The following RASAL1 variants were observed in gnomAD, a reference collection of about 807,000 sequenced individuals.
RASAL1 encodes the protein RAS protein activator like 1.
Under a neutral mutation model 96.6 loss-of-function variants are expected in RASAL1, and 72 were observed. The observed-to-expected ratio is 0.75, with a 90% CI of 0.62 to 0.91. The LOEUF (loss-of-function observed/expected upper bound fraction) is 0.91, where lower values mean the gene tolerates loss of function less well. Ranked by LOEUF, RASAL1 falls within the 40% of genes least tolerant of loss-of-function variation. The probability of loss-of-function intolerance (pLI) is 0.00; values close to 1 mark genes in which losing one functional copy is unlikely to be tolerated. For missense variants in RASAL1, 1,016 were observed against 1,072.5 expected, an observed-to-expected ratio of 0.95 and a Z score of 0.74; for synonymous variants, 405 against 430.4, an observed-to-expected ratio of 0.94 and a Z score of 0.73.
At position 113,124,882 on chromosome 12, in the gene RASAL1, A is replaced by G. The variant is rs373920890; in HGVS notation, c.298+2930T>C. Among the ~76,000 whole-genome samples the G allele has an allele frequency of 4.6e-5, 7 of 152,390 alleles. No individual in the cohort carries two copies. The East Asian group carries it at 1.2e-3, about 25-fold the overall frequency. On this transcript the variant is annotated intron_variant, in intron 4 of 20. Coordinates refer to ENST00000548055, the MANE Select transcript of RASAL1 (RefSeq NM_001301202.2). ...GAGACAATTAACAGTCATGTAGACA[A>G]AAAGTAATAAAGTTTAATCCTTACT...
At chr12:113,122,483 C>G (rs1293648013) in intron 4 of RASAL1, among the ~76,000 whole-genome samples, 1 of 152,166 alleles carries the variant, frequency 6.6e-6, no homozygotes, top group East Asian at 1.9e-4. Context: ...ACCACCACAG[C>G]TAGCTAATTT....
chr12:113,115,479 T>C lies in RASAL1; in HGVS notation c.1003+156A>G, dbSNP rs375333418. On this transcript the variant is annotated intron_variant, in intron 10 of 20. Transcript: ENST00000548055. This position sits in a 1 kb window ranked among gnomAD's most constrained non-coding sequence, Gnocchi z 4.1. ...GCAAAGCCAGGGCCTGAACCTGCAATTGGGCTCCCAACTGTCTGGAGGTGC... is the reference window on the plus strand; with the variant it reads ...GCAAAGCCAGGGCCTGAACCTGCAACTGGGCTCCCAACTGTCTGGAGGTGC... 3.9e-5 allele frequency among the ~76,000 whole-genome samples: 6 copies of C among 152,228 alleles called. No homozygotes were observed. Among genetic ancestry groups the C allele is most frequent in the East Asian group, 1.9e-4 (1 of 5,172 alleles).
At position 113,115,330 on chromosome 12, in the gene RASAL1, C is replaced by T. The variant is rs1951034743; in HGVS notation, c.1004-66G>A. ...CTGAACCCAGCTCACCCCACTCACC[C>T]AAGGTGGGAGTCATGATTCTTCCAG... On this transcript the variant is annotated intron_variant, in intron 10 of 20. Coordinates refer to ENST00000548055, the MANE Select transcript of RASAL1 (RefSeq NM_001301202.2). The surrounding 1 kb of genome is among the most constrained non-coding windows in gnomAD (Gnocchi z 4.1). 6 of 1,419,184 alleles carry T rather than the reference C, an allele frequency of 4.2e-6. No individual in the cohort carries two copies. The Admixed American group carries it at 8.4e-5, about 20-fold the overall frequency. The allele number at this position is 1,419,184 out of a possible 1,614,324, so 87.9% of individuals were successfully genotyped here.
intron 15 of RASAL1, among the ~76,000 whole-genome samples, chr12:113,106,793 C>T (rs1950661548): frequency 6.6e-6 from 1 of 152,204 alleles, no homozygotes; most frequent in Non-Finnish European, 1.5e-5. Context: ...GCTGCATCCC[C>T]AGCACCTAGA....
chr12:113,114,780 G>C lies in RASAL1; in HGVS notation c.1181+20C>G, dbSNP rs1336745985. The C allele has an allele frequency of 1.9e-6, 3 of 1,602,366 alleles. No homozygotes were observed. In the East Asian group the frequency reaches 6.7e-5, roughly 36 times the overall value. ...CCAAAGGGGCCCGTCGGAAGGTCAG[G>C]GTCCTCAGGCTTTGCTCACCGGGTG... On this transcript the variant is annotated intron_variant, in intron 12 of 20. Coordinates refer to ENST00000548055, the MANE Select transcript of RASAL1 (RefSeq NM_001301202.2).
chr12:113,115,747 G>A lies in RASAL1; in HGVS notation c.891C>T (p.Thr297=). 1.2e-6 allele frequency: 2 copies of A among 1,614,164 alleles called. No individual in the cohort carries two copies. Among genetic ancestry groups the A allele is most frequent in the South Asian group, 2.2e-5 (2 of 91,072 alleles). The change falls in exon 10 of 21, where the codon ACC becomes ACT. Residue 297 remains threonine, a synonymous_variant. Transcript: ENST00000548055. The surrounding 1 kb of genome is among the most constrained non-coding windows in gnomAD (Gnocchi z 4.1). ...CAAGGTCCTGGCGGCAGTCCCCCAA[G>A]GTCAGCTCTTCCAGCAAAGCCAAGG... ...ASPLALLEEL[T]LGDCRQDLAT...
At chr12:113,110,877 T>C (rs555595331) in intron 13 of RASAL1, among the ~76,000 whole-genome samples, 1 of 152,342 alleles carries the variant, frequency 6.6e-6, no homozygotes, top group South Asian at 2.1e-4. Flanking sequence ...ATTGTGCCAC[T>C]GCACTCCAGC....
At position 113,112,269 on chromosome 12, in the gene RASAL1, G is replaced by C; in HGVS notation, c.1191C>G (p.Ser397=). 7.9e-7 allele frequency: 1 copy of C among 1,260,542 alleles called. No homozygotes were observed. Among genetic ancestry groups the C allele is most frequent in the Non-Finnish European group, 1.0e-6 (1 of 994,296 alleles). The allele number at this position is 1,260,542 out of a possible 1,614,324, so 78.1% of individuals were successfully genotyped here. The change falls in exon 13 of 21, where the codon TCC becomes TCG. Residue 397 remains serine (S), a synonymous_variant. Coordinates refer to ENST00000548055, the MANE Select transcript of RASAL1 (RefSeq NM_001301202.2). ...GCTCCTCCGAGAGTGCGCCTTTGAA[G>C]GAGATCCTCCTGGAGGGGCCGGCGG... ...KMDLGRTRRI[S]FKGALSEEQM... is the part of the protein sequence containing the mutation.
intron 1 of RASAL1, among the ~76,000 whole-genome samples, chr12:113,133,371 G>A (rs1337245359): frequency 6.6e-6 from 1 of 152,192 alleles, no homozygotes; most frequent in Admixed American, 6.5e-5. Context: ...AGTAGTCAGA[G>A]TTCAAATCGC....
At chr12:113,123,561 A>G (rs1951372849) in intron 4 of RASAL1, among the ~76,000 whole-genome samples, 1 of 152,040 alleles carries the variant, frequency 6.6e-6, no homozygotes, top group South Asian at 2.1e-4. Context: ...TTTGTTTACC[A>G]TTCACTGTTA....
intron 18 of RASAL1, chr12:113,103,654 A>G: frequency 2.0e-6 from 1 of 502,756 alleles, no homozygotes. Context: ...CTTGAGAACA[A>G]GCTCATGATG....
chr12:113,119,014 G>A, intron 7 of RASAL1, 114 bp downstream of exon 7: 1 of 1,305,024 alleles, frequency 7.7e-7, no homozygotes, highest in South Asian at 1.5e-5. Context: ...GGAACCTGAT[G>A]AGGCAGCTGT....
chr12:113,135,398 A>G lies in RASAL1; in HGVS notation c.65T>C (p.Val22Ala), dbSNP rs200723951. 3.5e-4 allele frequency: 571 copies of G among 1,608,486 alleles called. 1 individual carries two copies. The highest frequency in any genetic ancestry group is 3.3e-4 in the Non-Finnish European group (394 of 1,177,936). Residue 22 changes from valine (V) to alanine (A), a missense_variant and splice_region_variant, in exon 1 of 21, where the codon GTG becomes GCG. Val to Ala is a moderately conservative substitution (Grantham distance 64). Transcript: ENST00000548055. The surrounding 1 kb of genome is among the most constrained non-coding windows in gnomAD (Gnocchi z 5.7). ...CCAGAAGCGCCCGAGGAGTACTCAC[A>G]CGTCCTTGGCAGGCAGCGCGCGGCC... ...VEGRALPAKD[V>A]SGSSDPYCLV...
intron 13 of RASAL1, among the ~76,000 whole-genome samples, chr12:113,109,043 GTT>G (rs10603536): frequency 0.55 from 73,846 of 134,038 alleles, 20,459 homozygotes; most frequent in African/African-American, 0.68. Context: ...TTTTGTGTGT[GTT>G]TTTTTTTTTT....
At chr12:113,114,980 G>A (rs766992372) in intron 11 of RASAL1, 68 bp from the exon 12 acceptor site, 50 of 1,302,716 alleles carry the variant, frequency 3.8e-5, no homozygotes, top group Middle Eastern at 3.6e-4. Context: ...TGAGCTGGGC[G>A]CAGGGGGGAC....
chr12:113,101,478 G>T lies in RASAL1; in HGVS notation c.2225+411C>A, dbSNP rs577200871. Among the ~76,000 whole-genome samples the T allele has an allele frequency of 7.2e-5, 11 of 152,256 alleles. 1 individual carries two copies. In the South Asian group the frequency reaches 2.3e-3, roughly 32 times the overall value. ...CACAGCTAGTAAGTGGCCAGGTCAC[G>T]ATTTGAACCCAGACAGGTCAGCTTC... On this transcript the variant is annotated intron_variant, in intron 19 of 20. Transcript: ENST00000548055.
intron 18 of RASAL1, chr12:113,103,206 A>T (rs932483811): frequency 6.7e-6 from 1 of 149,094 alleles, no homozygotes; most frequent in South Asian, 2.1e-4. Flanking sequence ...TTTTATATAT[A>T]TTATATATTA....
At chr12:113,118,240 A>T (rs1203105051) in intron 7 of RASAL1, among the ~76,000 whole-genome samples, 1 of 152,148 alleles carries the variant, frequency 6.6e-6, no homozygotes, top group Non-Finnish European at 1.5e-5. Context: ...AAAAATAAAA[A>T]AAATAAACAA....
rs185010862 is a variant in RASAL1, at chr12:113,115,243, C to T, written c.1025G>A (p.Arg342His). 38 of 1,613,896 alleles carry T rather than the reference C, an allele frequency of 2.4e-5. No homozygotes were observed. Among genetic ancestry groups the T allele is most frequent in the East Asian group, 8.9e-5 (4 of 44,878 alleles). Residue 342 changes from arginine to histidine, a missense_variant, in exon 11 of 21, where the codon CGT becomes CAT. Transcript: ENST00000548055. This position sits in a 1 kb window ranked among gnomAD's most constrained non-coding sequence, Gnocchi z 4.1. The part of the protein sequence containing the change: ...ARTMDPNTLF[R>H]SNSLASKSME... ...CGACTTGGATGCCAGGGAGTTAGAA[C>T]GGAAGAGGGTGTTGGGGTCCACTGG...
Sources: gnomAD v4.1 joint callset for allele counts (sites outside exome capture counted in the v4.1 genomes callset) on GRCh38, gnomAD v4.1.1 for gene constraint, Gnocchi (gnomAD v3.1) non-coding constraint, MANE v1.5 for transcripts, NCBI Gene and HGNC (gene_info 2026-07-23, HGNC 2026-07-21) for gene names.